The following SGCZ variants were observed in gnomAD, a reference collection of about 807,000 sequenced individuals.
SGCZ encodes the protein zeta-sarcoglycan.
SGCZ carries 40 observed loss-of-function variants against 41.3 expected under a neutral mutation model. That is an observed-to-expected ratio of 0.97 (90% CI 0.75 to 1.26). The LOEUF is 1.26. Among genes scored for constraint, SGCZ ranks in the 50% most tolerant of loss-of-function variants. The pLI, the probability that SGCZ is intolerant of heterozygous loss-of-function variation, is 0.00. For missense variants in SGCZ, 552 were observed against 369.8 expected, an observed-to-expected ratio of 1.49 and a Z score of -4.04; for synonymous variants, 206 against 137.5, an observed-to-expected ratio of 1.50 and a Z score of -3.49.
intron 1 of SGCZ, among the ~76,000 whole-genome samples, chr8:15,139,845 G>A (rs1702557909): frequency 6.6e-6 from 1 of 152,040 alleles, no homozygotes; most frequent in Non-Finnish European, 1.5e-5. Context: ...TAGAAATAAT[G>A]ACACGGTAGT....
chr8:14,142,542 A>T (rs1803403468), intron 5 of SGCZ, among the ~76,000 whole-genome samples: 1 of 152,120 alleles, frequency 6.6e-6, no homozygotes, highest in African/African-American at 2.4e-5. Flanking sequence ...TTTTCTGCTC[A>T]GTTTGAAGCA....
chr8:15,164,047 C>T (rs148302062), intron 1 of SGCZ, among the ~76,000 whole-genome samples: 287 of 152,338 alleles, frequency 1.9e-3, no homozygotes, highest in African/African-American at 6.0e-3. Context: ...TCTGACCTAG[C>T]GAGGGTTCCT....
chr8:15,184,557 A>G (rs1800276966), intron 1 of SGCZ, among the ~76,000 whole-genome samples: 1 of 151,634 alleles, frequency 6.6e-6, no homozygotes, highest in African/African-American at 2.4e-5. Flanking sequence ...CTGGTCCCGA[A>G]GGATTTCATC....
At chr8:14,702,731 T>TGATAGATA (rs35625599) in intron 1 of SGCZ, among the ~76,000 whole-genome samples, 2,193 of 91,180 alleles carry the variant, frequency 0.024, 40 homozygotes, top group Middle Eastern at 0.028. Flanking sequence ...CTGGCTTCAA[T>TGATAGATA]GATAGATAGA....
At chr8:14,368,137 T>C (rs1042002935) in intron 2 of SGCZ, among the ~76,000 whole-genome samples, 4 of 152,018 alleles carry the variant, frequency 2.6e-5, no homozygotes, top group African/African-American at 9.7e-5. Context: ...TGGACATGAG[T>C]GTGCTTCTAA....
intron 1 of SGCZ, among the ~76,000 whole-genome samples, chr8:15,135,073 A>C (rs564944226): frequency 2.0e-5 from 3 of 152,234 alleles, no homozygotes; most frequent in Admixed American, 1.3e-4. Flanking sequence ...TGCTGTCCTA[A>C]ATATGGTTCC....
At chr8:14,660,829 G>A (rs1440817023) in intron 1 of SGCZ, among the ~76,000 whole-genome samples, 1 of 152,088 alleles carries the variant, frequency 6.6e-6, no homozygotes, top group Non-Finnish European at 1.5e-5. Flanking sequence ...ATATTTAAGA[G>A]AGAGTAGTTT....
chr8:14,702,766 T>C (rs185493049), intron 1 of SGCZ, among the ~76,000 whole-genome samples: 1 of 133,910 alleles, frequency 7.5e-6, no homozygotes, highest in African/African-American at 2.6e-5. Context: ...GATAGATAGA[T>C]AGATAGATAG....
intron 2 of SGCZ, among the ~76,000 whole-genome samples, chr8:14,530,235 C>G (rs1160933707): frequency 6.6e-6 from 1 of 151,934 alleles, no homozygotes; most frequent in Middle Eastern, 3.2e-3. Context: ...AAAAAATATA[C>G]TACCCTAAAA....
chr8:15,216,658 T>C (rs185916499), intron 1 of SGCZ, among the ~76,000 whole-genome samples: 4 of 152,256 alleles, frequency 2.6e-5, no homozygotes, highest in Admixed American at 6.5e-5. Flanking sequence ...AAAGAAAATA[T>C]GGAAAGCATC....
At chr8:14,249,622 C>G (rs1799217199) in intron 3 of SGCZ, among the ~76,000 whole-genome samples, 1 of 152,082 alleles carries the variant, frequency 6.6e-6, no homozygotes, top group Non-Finnish European at 1.5e-5. Context: ...TTAGCTATAT[C>G]TGAGAAGGCA....
intron 1 of SGCZ, among the ~76,000 whole-genome samples, chr8:15,045,539 G>A (rs1804271822): frequency 6.6e-6 from 1 of 152,042 alleles, no homozygotes; most frequent in Admixed American, 6.6e-5. Context: ...ATTGAGATTA[G>A]TTTAGTAGAC....
At chr8:14,433,266 A>C (rs1216161227) in intron 2 of SGCZ, among the ~76,000 whole-genome samples, 1 of 152,204 alleles carries the variant, frequency 6.6e-6, no homozygotes, top group African/African-American at 2.4e-5. Flanking sequence ...GATAACATTT[A>C]AACAATACAA....
chr8:14,923,852 A>G, intron 1 of SGCZ, among the ~76,000 whole-genome samples: 1 of 152,224 alleles, frequency 6.6e-6, no homozygotes, highest in East Asian at 1.9e-4. Context: ...GTTCAACTGT[A>G]GGGATCCATT....
intron 2 of SGCZ, among the ~76,000 whole-genome samples, chr8:14,426,776 G>A (rs1027368943): frequency 5.3e-5 from 8 of 152,022 alleles, no homozygotes; most frequent in Admixed American, 5.2e-4. Context: ...AAAAGGTACA[G>A]GTGTTTTACT....
intron 3 of SGCZ, among the ~76,000 whole-genome samples, chr8:14,301,327 T>C (rs868129490): frequency 1.3e-5 from 2 of 152,032 alleles, no homozygotes; most frequent in South Asian, 4.1e-4. Context: ...TATAGGATTA[T>C]TGGAGTTTAT....
At chr8:14,383,032 C>G (rs1468958674) in intron 2 of SGCZ, among the ~76,000 whole-genome samples, 22 of 152,086 alleles carry the variant, frequency 1.4e-4, no homozygotes, top group Admixed American at 1.4e-3. Flanking sequence ...TAGATACAGC[C>G]CAATAGAGAT....
At chr8:14,638,200 C>A (rs148322463) in intron 1 of SGCZ, among the ~76,000 whole-genome samples, 94 of 151,904 alleles carry the variant, frequency 6.2e-4, no homozygotes, top group African/African-American at 2.2e-3. Context: ...CTGTTCCCAA[C>A]TTTTTTCAGT....
chr8:14,233,302 AT>A (rs1168287474), intron 4 of SGCZ, among the ~76,000 whole-genome samples: 3 of 151,964 alleles, frequency 2.0e-5, no homozygotes, highest in African/African-American at 7.2e-5. Context: ...ATATAGCTTA[AT>A]AACAGCCATG....
Sources: gnomAD v4.1 joint callset for allele counts (sites outside exome capture counted in the v4.1 genomes callset) on GRCh38, gnomAD v4.1.1 for gene constraint, MANE v1.5 for transcripts, NCBI Gene and HGNC (gene_info 2026-07-23, HGNC 2026-07-21) for gene names.